Variants in TLN2 observed in about 807,000 individuals in gnomAD.
TLN2 encodes the protein talin-2.
TLN2 carries 118 observed loss-of-function variants against 294.7 expected under a neutral mutation model. The observed-to-expected ratio is 0.40, with a 90% CI of 0.34 to 0.47. The LOEUF is 0.47. Ranked by LOEUF, TLN2 falls within the 20% of genes least tolerant of loss-of-function variation. The pLI is 0.84. For missense variants in TLN2, 3,083 were observed against 3,282.2 expected (o/e 0.94, Z 1.48); for synonymous variants, 1,431 against 1,304.5 (o/e 1.10, Z -2.09).
At chr15:62,621,116 G>C (rs2140857956) in intron 3 of TLN2, among the ~76,000 whole-genome samples, 1 of 152,264 alleles carries the variant, frequency 6.6e-6, no homozygotes, top group African/African-American at 2.4e-5. Flanking sequence ...TGGGATTACA[G>C]GTGTGAGCCA....
At chr15:62,761,892 A>G in intron 38 of TLN2, 71 bp downstream of exon 38, 1 of 1,592,262 alleles carries the variant, frequency 6.3e-7, no homozygotes, top group Non-Finnish European at 8.6e-7. Flanking sequence ...ATGAGTTACT[A>G]GTTAAAACTC....
In TLN2 at chr15:62,717,638, T is replaced by C. The variant is rs2059866756; in HGVS notation, c.2826T>C (p.Ala942=). Residue 942 remains alanine, a synonymous_variant, in exon 24 of 59, where the codon GCT becomes GCC. Coordinates refer to ENST00000636159, the MANE Select transcript of TLN2 (RefSeq NM_015059.3). ...CCATCGCCGCCTCCCAGAATGCAGC[T>C]GTTTCCAACAAGAACCCTGCGGCCC... ...TQTIAASQNA[A]VSNKNPAAQQ... 6.2e-7 allele frequency: 1 copy of C among 1,605,974 alleles called. No individual in the cohort carries two copies. The highest frequency in any genetic ancestry group is 8.5e-7 in the Non-Finnish European group (1 of 1,176,770).
intron 1 of TLN2, among the ~76,000 whole-genome samples, chr15:62,502,635 C>G (rs1310116557): frequency 6.6e-6 from 1 of 152,204 alleles, no homozygotes; most frequent in Non-Finnish European, 1.5e-5. Context: ...TCCATAAAGA[C>G]TCATGATGTA....
At chr15:62,760,353 G>A (rs1401539230) in intron 37 of TLN2, among the ~76,000 whole-genome samples, 2 of 152,252 alleles carry the variant, frequency 1.3e-5, no homozygotes, top group East Asian at 1.9e-4. Flanking sequence ...TCAAACCAAC[G>A]GTGGCTGCCT....
At chr15:62,650,572 G>C (rs2052476826) in intron 5 of TLN2, among the ~76,000 whole-genome samples, 1 of 152,104 alleles carries the variant, frequency 6.6e-6, no homozygotes, top group African/African-American at 2.4e-5. Flanking sequence ...TTAGTGTTTT[G>C]TTTCTGAAAA....
chr15:62,678,484 T>G (rs2056475132), intron 11 of TLN2, among the ~76,000 whole-genome samples: 1 of 152,236 alleles, frequency 6.6e-6, no homozygotes, highest in Non-Finnish European at 1.5e-5. Flanking sequence ...TGATAGAGGT[T>G]CATGAGTATC....
chr15:62,718,060 G>A (rs765275450), intron 24 of TLN2, among the ~76,000 whole-genome samples: 4 of 152,202 alleles, frequency 2.6e-5, no homozygotes, highest in Non-Finnish European at 5.9e-5. Flanking sequence ...CTGGAGCAGG[G>A]TTCATTTCCT....
At position 62,546,603 on chromosome 15, in the gene TLN2, G is replaced by C. The variant is rs142892739; in HGVS notation, c.-237-43084G>C. ...TTTGTTTTTTCTATCCAGTTGCAAGGACAGCATAGAGAGCCCCTCTTAGCA... is the reference window on the plus strand; with the variant it reads ...TTTGTTTTTTCTATCCAGTTGCAAGCACAGCATAGAGAGCCCCTCTTAGCA... On this transcript the variant is annotated intron_variant, in intron 1 of 58. Coordinates refer to ENST00000636159, the MANE Select transcript of TLN2 (RefSeq NM_015059.3). 7.2e-5 allele frequency among the ~76,000 whole-genome samples: 11 copies of C among 152,282 alleles called. No individual in the cohort carries two copies. The East Asian group carries it at 2.1e-3, about 29-fold the overall frequency.
rs1208286254 is a variant in TLN2, at chr15:62,702,128, G to C, written c.1833G>C (p.Leu611Phe). The C allele has an allele frequency of 6.2e-7, 1 of 1,613,838 alleles. No individual in the cohort carries two copies. The highest frequency in any genetic ancestry group is 8.5e-7 in the Non-Finnish European group (1 of 1,179,996). Residue 611 changes from leucine to phenylalanine, a missense_variant, in exon 18 of 59, where the codon TTG (leucine) becomes TTC (phenylalanine). Coordinates refer to ENST00000636159, the MANE Select transcript of TLN2 (RefSeq NM_015059.3). ...MDDEVGSGEDLLRAARTLAGA... is the reference protein window; with the variant it reads ...MDDEVGSGEDFLRAARTLAGA... ...ATGAGGTGGGCAGCGGGGAGGACTT[G>C]CTCAGAGCTGCCAGGACCCTCGCTG... is the stretch of plus-strand genomic sequence containing the variant.
chr15:62,834,261 A>G (rs1014075588), intron 55 of TLN2: 1 of 152,190 alleles, frequency 6.6e-6, no homozygotes, highest in Non-Finnish European at 1.5e-5. Context: ...AACATGTTCC[A>G]TATGTCTTGT....
At chr15:62,622,419 C>G (rs924408553) in intron 3 of TLN2, among the ~76,000 whole-genome samples, 2 of 151,972 alleles carry the variant, frequency 1.3e-5, no homozygotes, top group Admixed American at 6.6e-5. Context: ...GGGGGAATAC[C>G]CAGCACCCAA....
In TLN2 at chr15:62,417,039, C is replaced by A. The variant is rs550940145; in HGVS notation, c.-238+26354C>A. Among the ~76,000 whole-genome samples, 13 of 152,242 alleles carry A rather than the reference C, an allele frequency of 8.5e-5. No homozygotes were observed. The South Asian group carries it at 2.7e-3, about 32-fold the overall frequency. The stretch of plus-strand genomic sequence containing the variant: ...CTAACAGATCTATTCCGCAGATCAT[C>A]GAGTTACAGAGCAGCTTTTGGAGTT... On this transcript the variant is annotated intron_variant, in intron 1 of 58. Transcript: ENST00000636159.
chr15:62,672,804 C>G (rs1400418950), intron 9 of TLN2, among the ~76,000 whole-genome samples: 1 of 151,986 alleles, frequency 6.6e-6, no homozygotes, highest in Non-Finnish European at 1.5e-5. Context: ...GGGGGGTTGC[C>G]ACCAGGTTGT....
intron 1 of TLN2, among the ~76,000 whole-genome samples, chr15:62,508,610 A>C (rs192786560): frequency 1.7e-4 from 26 of 152,380 alleles, no homozygotes; most frequent in Non-Finnish European, 3.1e-4. Context: ...CAAGTTGAAA[A>C]GAAATTTAGA....
chr15:62,697,671 A>G lies in TLN2; in HGVS notation c.1293-17A>G. The G allele has an allele frequency of 6.3e-7, 1 of 1,587,290 alleles. No individual in the cohort carries two copies. The highest frequency in any genetic ancestry group is 8.6e-7 in the Non-Finnish European group (1 of 1,161,552). On this transcript the variant is annotated splice_polypyrimidine_tract_variant and intron_variant, in intron 14 of 58. Transcript: ENST00000636159. ...TGGCTGGTGTTCTCTCAGTGACCAA[A>G]CCACTTTTCCCGGCAGGTCCACCAT...
chr15:62,496,200 A>G (rs552076490), intron 1 of TLN2, among the ~76,000 whole-genome samples: 2 of 152,182 alleles, frequency 1.3e-5, no homozygotes, highest in Admixed American at 1.3e-4. Context: ...CACTGTTCCC[A>G]TGGATCTCTG....
chr15:62,552,456 C>G (rs565037008), intron 1 of TLN2, among the ~76,000 whole-genome samples: 2 of 152,202 alleles, frequency 1.3e-5, no homozygotes, highest in Non-Finnish European at 2.9e-5. Context: ...ACATTCCTAG[C>G]TGAGATCACA....
chr15:62,697,814 G>C lies in TLN2; in HGVS notation c.1419G>C (p.Ser473=). The C allele has an allele frequency of 6.2e-7, 1 of 1,612,914 alleles. No homozygotes were observed. The highest frequency in any genetic ancestry group is 8.5e-7 in the Non-Finnish European group (1 of 1,179,826). The part of the protein sequence containing the change: ...PETFNVGSMP[S]PQQQVMVGQM... ...CCTTCAACGTTGGCAGCATGCCCTCGCCACAGCAGCAGGTCATGGTTGGGC... is the reference window on the plus strand; with the variant it reads ...CCTTCAACGTTGGCAGCATGCCCTCCCCACAGCAGCAGGTCATGGTTGGGC... The change falls in exon 15 of 59, where the codon TCG becomes TCC. Residue 473 remains serine (S), a synonymous_variant. Transcript: ENST00000636159.
intron 7 of TLN2, 79 bp downstream of exon 7, chr15:62,653,393 C>A: frequency 6.8e-7 from 1 of 1,472,838 alleles, no homozygotes. Flanking sequence ...TCCATATGAC[C>A]CAGGACAGGA....
Sources: allele counts gnomAD v4.1 joint callset (sites outside exome capture counted in the v4.1 genomes callset), GRCh38; gene constraint gnomAD v4.1.1; transcripts MANE v1.5; gene names NCBI Gene and HGNC (gene_info 2026-07-23, HGNC 2026-07-21).